Variants in THBS2 observed in about 807,000 individuals in gnomAD.
The protein encoded by THBS2 is thrombospondin-2.
A neutral mutation model predicts 135.2 loss-of-function variants in THBS2; 47 were observed. The observed-to-expected ratio is 0.35, with a 90% confidence interval of 0.28 to 0.44. The LOEUF is 0.44. Among genes scored for constraint, THBS2 ranks in the 20% least tolerant of loss-of-function variants. The probability of loss-of-function intolerance (pLI) is 1.00; values close to 1 mark genes in which losing one functional copy is unlikely to be tolerated. For synonymous variants in THBS2, 639 were observed against 633.8 expected, an observed-to-expected ratio of 1.01 and a Z score of -0.12; for missense variants, 1,288 against 1,603.1, an observed-to-expected ratio of 0.80 and a Z score of 3.36.
intron 4 of THBS2, among the ~76,000 whole-genome samples, chr6:169,242,788 A>C (rs1583418660): frequency 8.2e-5 from 5 of 61,112 alleles, no homozygotes; most frequent in Admixed American, 1.8e-4. Context: ...CCACCTTCCC[A>C]CCACTCCCAC....
chr6:169,218,696 GGAT>G lies in THBS2; in HGVS notation c.3512-870_3512-868del, dbSNP rs1269613602. ...GGATGAGTAGATGGATGGATGGGAT[GGAT>G]GGATGGATGAGACAGGTGGATGGAT... On this transcript the variant is annotated intron_variant, in intron 21 of 21. Coordinates refer to ENST00000617924, the MANE Select transcript of THBS2 (RefSeq NM_003247.5). Among the ~76,000 whole-genome samples the G allele has an allele frequency of 3.7e-3, 552 of 147,576 alleles. 25 individuals are homozygous for G. In the East Asian group the frequency reaches 0.054, roughly 15 times the overall value.
In THBS2 at chr6:169,228,156, C is replaced by G. The variant is rs771690963; in HGVS notation, c.2385G>C (p.Glu795Asp). 1 of 1,614,014 alleles carries G rather than the reference C, an allele frequency of 6.2e-7. No homozygotes were observed. Among genetic ancestry groups the G allele is most frequent in the African/African-American group, 1.3e-5 (1 of 74,992 alleles). ...PAQIDTDNNG[E>D]GDACSVDIDG... is the part of the protein sequence containing the mutation. ...CAATGTCCACGGAGCAGGCGTCACC[C>G]TCTCCATTGTTGTCTGTGTCGATCT... Residue 795 changes from glutamate to aspartate, a missense_variant, in exon 15 of 22, where the codon GAG (glutamate) becomes GAC (aspartate). Physicochemically the swap from Glu to Asp is conservative, Grantham distance 45. Coordinates refer to ENST00000617924, the MANE Select transcript of THBS2 (RefSeq NM_003247.5).
Position 169,228,241 on chromosome 6 carries a change from TAGTC to T in THBS2, c.2296_2299del (p.Asp766MetfsTer98), listed in dbSNP as rs1258897597. 8 of 1,614,036 alleles carry T rather than the reference TAGTC, an allele frequency of 5.0e-6. No individual in the cohort carries two copies. Among genetic ancestry groups the T allele is most frequent in the Non-Finnish European group, 5.9e-6 (7 of 1,180,040 alleles). The stretch of plus-strand genomic sequence containing the variant: ...GCGGTCCCCAACCTCATCCTTGTCA[TAGTC>T]AGCCTGGCGGGGATTGAAGAGGAGC... On this transcript the variant is annotated frameshift_variant, in exon 15 of 22. Transcript: ENST00000617924. LOFTEE classifies it high-confidence loss of function.
intron 17 of THBS2, among the ~76,000 whole-genome samples, chr6:169,223,876 C>T (rs917694780): frequency 2.0e-5 from 3 of 152,112 alleles, no homozygotes; most frequent in Non-Finnish European, 4.4e-5. Context: ...TCATCCTTGC[C>T]TTTTATAGTC....
At chr6:169,231,323 C>T (rs1163513509) in intron 13 of THBS2, among the ~76,000 whole-genome samples, 1 of 152,192 alleles carries the variant, frequency 6.6e-6, no homozygotes, top group Non-Finnish European at 1.5e-5. Context: ...CATGCAGCCA[C>T]CAGCGCCAGA....
Position 169,232,939 on chromosome 6 carries a change from C to T in THBS2, c.1730G>A (p.Cys577Tyr). The T allele has an allele frequency of 6.4e-7, 1 of 1,572,260 alleles. No homozygotes were observed. Among genetic ancestry groups the T allele is most frequent in the Non-Finnish European group, 8.6e-7 (1 of 1,159,468 alleles). ...FPDGSWSCGS[C>Y]PVGFLGNGTH... ...GCCATTGCCCAAGAAGCCCACAGGGCAGGAGCCGCATGACCAGGACCCATC... is the reference window on the plus strand; with the variant it reads ...GCCATTGCCCAAGAAGCCCACAGGGTAGGAGCCGCATGACCAGGACCCATC... Residue 577 changes from cysteine to tyrosine, a missense_variant, in exon 11 of 22, where the codon TGC (cysteine) becomes TAC (tyrosine). Cys to Tyr is a radical substitution (Grantham distance 194). Around this residue, in one of 2 missense-constraint regions of THBS2, gnomAD observed 874 missense variants for 1,156.1 expected, o/e 0.76. Transcript: ENST00000617924.
chr6:169,237,908 T>C lies in THBS2; in HGVS notation c.1130-113A>G, dbSNP rs995634400. On this transcript the variant is annotated intron_variant, in intron 7 of 21. Transcript: ENST00000617924. ...GCCACAGTTCATGCATCCAGGAATCTGAGGGGCCACTGCCTGGCTGGGGCA... is the reference window on the plus strand; with the variant it reads ...GCCACAGTTCATGCATCCAGGAATCCGAGGGGCCACTGCCTGGCTGGGGCA... 38 of 1,303,052 alleles carry C rather than the reference T, an allele frequency of 2.9e-5. No homozygotes were observed. In the African/African-American group the frequency reaches 5.5e-4, roughly 19 times the overall value. The allele number at this position is 1,303,052 out of a possible 1,614,324, so 80.7% of individuals were successfully genotyped here. A position where few individuals can be genotyped will look rare whatever the true frequency, so the allele number is the denominator to read the frequency against.
At chr6:169,239,412 T>C in intron 7 of THBS2, 187 bp downstream of exon 7, 1 of 602,116 alleles carries the variant, frequency 1.7e-6, no homozygotes, top group East Asian at 2.8e-5. Flanking sequence ...GCTTCCACAC[T>C]CCTTTCTAGC....
Position 169,245,660 on chromosome 6 carries a change from C to T in THBS2, c.694+537G>A, listed in dbSNP as rs368658468. On this transcript the variant is annotated intron_variant, in intron 4 of 21. Coordinates refer to ENST00000617924, the MANE Select transcript of THBS2 (RefSeq NM_003247.5). ...ACAAAAAATTAGCTGGGTGTGGTGG[C>T]GGGTGCCTGTAGTCCCAGCTACTCA... is the stretch of plus-strand genomic sequence containing the variant. Among the ~76,000 whole-genome samples the T allele has an allele frequency of 6.3e-4, 95 of 151,934 alleles. 2 individuals carry two copies. The East Asian group carries it at 0.011, about 18-fold the overall frequency.
rs140555987 is a variant in THBS2 at position 169,243,402 on chromosome 6, G to C, written c.695-1444C>G. 7.1e-3 allele frequency among the ~76,000 whole-genome samples: 1,078 copies of C among 152,324 alleles called. 13 individuals carry two copies. The highest frequency in any genetic ancestry group is 0.023 in the African/African-American group (945 of 41,576). On this transcript the variant is annotated intron_variant, in intron 4 of 21. Coordinates refer to ENST00000617924, the MANE Select transcript of THBS2 (RefSeq NM_003247.5). Reference sequence around the variant, plus strand: ...CCGGAGCTCACCTCACCCCCATGTAGGACCCTGCTCCCTCTCAGGGGTGAA... The same window carrying C: ...CCGGAGCTCACCTCACCCCCATGTACGACCCTGCTCCCTCTCAGGGGTGAA...
In THBS2 at chr6:169,234,575, G is replaced by A. The variant is rs1779964790; in HGVS notation, c.1651+159C>T. On this transcript the variant is annotated intron_variant, in intron 10 of 21. Transcript: ENST00000617924. ...TTTTGTTTTTACATTAGAAATACAGGAGGACTGAAACACAGATGTTAAAAG... is the reference window on the plus strand; with the variant it reads ...TTTTGTTTTTACATTAGAAATACAGAAGGACTGAAACACAGATGTTAAAAG... 9.0e-6 allele frequency: 7 copies of A among 774,350 alleles called. No individual in the cohort carries two copies. In the African/African-American group the frequency reaches 1.2e-4, roughly 14 times the overall value. 48.0% of individuals were successfully genotyped at this position (774,350 alleles called of 1,614,324 possible).
intron 21 of THBS2, among the ~76,000 whole-genome samples, 164 bp from the exon 22 acceptor site, chr6:169,217,993 GA>G (rs201975888): frequency 1.2e-3 from 124 of 100,478 alleles, no homozygotes; most frequent in Middle Eastern, 5.2e-3. Flanking sequence ...GTGGATGGAT[GA>G]GATGGGTGGG....
chr6:169,243,895 T>C (rs542230125), intron 4 of THBS2, among the ~76,000 whole-genome samples: 5 of 152,358 alleles, frequency 3.3e-5, no homozygotes, highest in African/African-American at 1.2e-4. Context: ...CTCTCACTTT[T>C]AACAAACAGT....
Position 169,241,659 on chromosome 6 carries a change from A to C in THBS2, c.891+103T>G. On this transcript the variant is annotated intron_variant, in intron 5 of 21. Transcript: ENST00000617924. This position sits in a 1 kb window ranked among gnomAD's most constrained non-coding sequence, Gnocchi z 5.5. ...TGAACTGTGGGTTTTTACATCGAGC[A>C]TGAGGCACTGCCAAGCCAGGGAATG... 2 of 1,227,450 alleles carry C rather than the reference A, an allele frequency of 1.6e-6. No homozygotes were observed. The highest frequency in any genetic ancestry group is 1.5e-5 in the South Asian group (1 of 68,786). The allele number at this position is 1,227,450 out of a possible 1,614,324, so 76.0% of individuals were successfully genotyped here.
At chr6:169,242,850 CTCCCACCT>C (rs1411036727) in intron 4 of THBS2, among the ~76,000 whole-genome samples, 12 of 23,742 alleles carry the variant, frequency 5.1e-4, no homozygotes, top group African/African-American at 2.9e-3. Flanking sequence ...CTTCCCACTG[CTCCCACCT>C]TCCCACCTTC....
At chr6:169,236,217 ACACT>A (rs146840634) in intron 9 of THBS2, among the ~76,000 whole-genome samples, 8,821 of 76,990 alleles carry the variant, frequency 0.11, 969 homozygotes, top group Middle Eastern at 0.16. Flanking sequence ...AACACCATCC[ACACT>A]CACTCCCCAT....
chr6:169,225,027 G>T, intron 17 of THBS2, 118 bp downstream of exon 17: 1 of 1,003,798 alleles, frequency 1.0e-6, no homozygotes. Context: ...GAGGCCCAAA[G>T]TCATTGCCCT....
intron 13 of THBS2, 124 bp from the exon 14 acceptor site, chr6:169,229,803 C>T: frequency 1.4e-6 from 1 of 715,280 alleles, no homozygotes. Context: ...TCCTCGATCT[C>T]AAGCGGGAGC....
intron 4 of THBS2, among the ~76,000 whole-genome samples, chr6:169,242,669 CTCCCACCTTCCCACCTTCCCATCT>C (rs1163118371): frequency 1.4e-3 from 44 of 31,304 alleles, no homozygotes; most frequent in Middle Eastern, 0.023. Context: ...CTTCCCACCA[CTCCCACCTTCCCACCTTCCCATCT>C]TCCCACCTTC....
Sources: allele counts gnomAD v4.1 joint callset (sites outside exome capture counted in the v4.1 genomes callset), GRCh38; gene constraint gnomAD v4.1.1; regional missense constraint gnomAD v4.1.1; non-coding constraint Gnocchi (gnomAD v3.1); transcripts MANE v1.5; gene names NCBI Gene and HGNC (gene_info 2026-07-23, HGNC 2026-07-21).